Variants in CHGA observed in about 807,000 individuals in gnomAD.
The protein encoded by CHGA is chromogranin A, also known as chromogranin-A.
Under a neutral mutation model 54.4 loss-of-function variants are expected in CHGA, and 41 were observed. The observed-to-expected ratio is 0.75, with a 90% CI of 0.59 to 0.98. CHGA has a LOEUF of 0.98. Ranked by LOEUF, CHGA falls within the 50% of genes least tolerant of loss-of-function variation. CHGA has a pLI of 0.00. For synonymous variants in CHGA, 249 were observed against 232.8 expected (o/e 1.07, Z -0.63); for missense variants, 576 against 582.3 (o/e 0.99, Z 0.11).
At position 92,923,210 on chromosome 14, in the gene CHGA, A is replaced by T; in HGVS notation, c.-150A>T. The T allele has an allele frequency of 1.7e-6, 1 of 596,018 alleles. No homozygotes were observed. The highest frequency in any genetic ancestry group is 2.4e-6 in the Non-Finnish European group (1 of 418,544). 36.9% of individuals were successfully genotyped at this position (596,018 alleles called of 1,614,324 possible). ...TGCAGGGGAGCTTGCGGGAGGATCG[A>T]CCGACAGACGGACGCACGCCGAGGC... On this transcript the variant is annotated 5_prime_UTR_variant, in exon 1 of 8. Transcript: ENST00000216492.
Position 92,932,705 on chromosome 14 carries a change from G to A in CHGA, c.1144G>A (p.Gly382Ser), listed in dbSNP as rs9658667. Reference sequence around the variant, plus strand: ...GCTCTCCTTCCGGGCCCGGGCCTACGGCTTCAGGGGCCCTGGGCCGCAGCT... The same window carrying A: ...GCTCTCCTTCCGGGCCCGGGCCTACAGCTTCAGGGGCCCTGGGCCGCAGCT... ...MKLSFRARAY[G>S]FRGPGPQLRR... The change falls in exon 7 of 8, where the codon GGC (glycine) becomes AGC (serine). Residue 382 changes from glycine (G) to serine (S), a missense_variant. Physicochemically the swap from Gly to Ser is moderately conservative, Grantham distance 56. Transcript: ENST00000216492. This position sits in a 1 kb window ranked among gnomAD's most constrained non-coding sequence, Gnocchi z 5.3. 53,686 of 1,611,068 alleles carry A rather than the reference G, an allele frequency of 0.033. 1,096 individuals are homozygous for A. Among genetic ancestry groups the A allele is most frequent in the East Asian group, 0.061 (2,740 of 44,836 alleles).
rs186857827 is a variant in CHGA at position 92,923,515 on chromosome 14, G to A, written c.46+110G>A. The A allele has an allele frequency of 2.3e-4, 238 of 1,045,278 alleles. 1 individual carries two copies. In the African/African-American group the frequency reaches 2.6e-3, roughly 11 times the overall value. The allele number at this position is 1,045,278 out of a possible 1,614,324, so 64.8% of individuals were successfully genotyped here. ...CCCCTCCACACTTCCCTTCGGGCGC[G>A]GCGAGTTTTCAGCACCGCGGACAGC... On this transcript the variant is annotated intron_variant, in intron 1 of 7. Transcript: ENST00000216492.
chr14:92,924,145 C>G, intron 1 of CHGA, 54 bp from the exon 2 acceptor site: 1 of 1,592,010 alleles, frequency 6.3e-7, no homozygotes, highest in Non-Finnish European at 8.6e-7. Context: ...TCAGAAAGGA[C>G]TGGCCTCCAC....
At position 92,923,276 on chromosome 14, in the gene CHGA, C is replaced by T; in HGVS notation, c.-84C>T. On this transcript the variant is annotated 5_prime_UTR_variant, in exon 1 of 8. Transcript: ENST00000216492. ...CCGCGCCGGTGCCACCGCAGCCCGACCCCGGCCGCCAGTCCAGCCGCCCCT... is the reference window on the plus strand; with the variant it reads ...CCGCGCCGGTGCCACCGCAGCCCGATCCCGGCCGCCAGTCCAGCCGCCCCT... 1 of 1,208,734 alleles carries T rather than the reference C, an allele frequency of 8.3e-7. No homozygotes were observed. The highest frequency in any genetic ancestry group is 1.0e-6 in the Non-Finnish European group (1 of 966,536). The allele number at this position is 1,208,734 out of a possible 1,614,324, so 74.9% of individuals were successfully genotyped here.
intron 1 of CHGA, among the ~76,000 whole-genome samples, chr14:92,923,757 CT>C (rs1886834173): frequency 6.6e-6 from 1 of 152,314 alleles, no homozygotes; most frequent in Admixed American, 6.5e-5. Flanking sequence ...CCCTCCACCC[CT>C]CTTCCCCTTT....
At chr14:92,925,731 G>T (rs1385260271) in intron 2 of CHGA, among the ~76,000 whole-genome samples, 1 of 152,178 alleles carries the variant, frequency 6.6e-6, no homozygotes, top group Non-Finnish European at 1.5e-5. Flanking sequence ...CTCCATGCTT[G>T]AAAGAGTGTT....
Position 92,931,640 on chromosome 14 carries a change from G to T in CHGA, c.746G>T (p.Gly249Val). 2 of 1,610,812 alleles carry T rather than the reference G, an allele frequency of 1.2e-6. No individual in the cohort carries two copies. The highest frequency in any genetic ancestry group is 1.3e-5 in the African/African-American group (1 of 74,988). Residue 249 changes from glycine to valine, a missense_variant, in exon 6 of 8, where the codon GGC becomes GTC. Transcript: ENST00000216492. ...GAGGAGGCTGTCCCCGAGGAAGAAG[G>T]CCCCACTGTAGTGCTGAACCCCCAC... ...AGEEAVPEEE[G>V]PTVVLNPHPS...
chr14:92,935,157 T>G lies in CHGA; in HGVS notation c.*273T>G. ...CAGGCAGCTTTCTAGAAGTTTCCCT[T>G]CCTCCATCCTATCCACTGGGCACAA... is the stretch of plus-strand genomic sequence containing the variant. On this transcript the variant is annotated 3_prime_UTR_variant, in exon 8 of 8. Transcript: ENST00000216492. 2.2e-6 allele frequency: 1 copy of G among 459,352 alleles called. No individual in the cohort carries two copies. The highest frequency in any genetic ancestry group is 3.9e-5 in the South Asian group (1 of 25,636). 28.5% of individuals were successfully genotyped at this position (459,352 alleles called of 1,614,324 possible).
chr14:92,924,352 A>G, intron 2 of CHGA, 107 bp downstream of exon 2: 1 of 1,095,344 alleles, frequency 9.1e-7, no homozygotes, highest in Non-Finnish European at 1.3e-6. Context: ...AAGAGCCAGC[A>G]CTGCGGCTGC....
chr14:92,925,300 C>T (rs1213410082), intron 2 of CHGA, among the ~76,000 whole-genome samples: 1 of 152,172 alleles, frequency 6.6e-6, no homozygotes, highest in Non-Finnish European at 1.5e-5. Flanking sequence ...CTACCCAATT[C>T]CTGCCTCCCA....
intron 1 of CHGA, among the ~76,000 whole-genome samples, chr14:92,923,858 C>G (rs1442363323): frequency 6.6e-6 from 1 of 152,202 alleles, no homozygotes; most frequent in Non-Finnish European, 1.5e-5. Context: ...CCCCCGCCCC[C>G]CCCACCTCTG....
intron 6 of CHGA, among the ~76,000 whole-genome samples, 178 bp downstream of exon 6, chr14:92,931,880 A>C (rs540496350): frequency 6.7e-6 from 1 of 150,044 alleles, no homozygotes; most frequent in Admixed American, 6.6e-5. Context: ...CCAAGGTCAC[A>C]CAGCTAATTT....
At chr14:92,922,752 G>A (rs1886807499), upstream of CHGA, among the ~76,000 whole-genome samples, 1 of 152,196 alleles carries the variant, frequency 6.6e-6, no homozygotes, top group African/African-American at 2.4e-5. Context: ...TCCAGCCTGT[G>A]AGACCGGGGG....
intron 2 of CHGA, 62 bp from the exon 3 acceptor site, chr14:92,926,543 C>T (rs866834090): frequency 7.3e-7 from 1 of 1,365,136 alleles, no homozygotes; most frequent in Middle Eastern, 1.8e-4. Context: ...CACCCTAGAG[C>T]CTCCAGGGAC....
Position 92,934,849 on chromosome 14 carries a change from G to C in CHGA, c.1339G>C (p.Val447Leu), listed in dbSNP as rs1017760007. 3.8e-6 allele frequency: 6 copies of C among 1,584,530 alleles called. No individual in the cohort carries two copies. The African/African-American group carries it at 6.7e-5, about 18-fold the overall frequency. Reference sequence around the variant, plus strand: ...GGCCATTGAAGCAGAGCTGGAGAAAGTGGCCCACCAGCTGCAGGCACTACG... The same window carrying C: ...GGCCATTGAAGCAGAGCTGGAGAAACTGGCCCACCAGCTGCAGGCACTACG... The part of the protein sequence containing the change: ...LSAIEAELEK[V>L]AHQLQALRRG The change falls in exon 8 of 8, where the codon GTG (valine) becomes CTG (leucine). Residue 447 changes from valine (V) to leucine (L), a missense_variant. Transcript: ENST00000216492.
At chr14:92,927,444 T>C in intron 3 of CHGA, 106 bp from the exon 4 acceptor site, 1 of 892,516 alleles carries the variant, frequency 1.1e-6, no homozygotes, top group Non-Finnish European at 1.8e-6. Context: ...CACCCTGGTT[T>C]TGAGTTTCCA....
chr14:92,923,227 C>A lies in CHGA; in HGVS notation c.-133C>A. The A allele has an allele frequency of 1.3e-6, 1 of 741,906 alleles. No individual in the cohort carries two copies. The highest frequency in any genetic ancestry group is 1.8e-6 in the Non-Finnish European group (1 of 549,382). The allele number at this position is 741,906 out of a possible 1,614,324, so 46.0% of individuals were successfully genotyped here. ...GAGGATCGACCGACAGACGGACGCACGCCGAGGCACTGCGCCCCCAGCCCC... is the reference window on the plus strand; with the variant it reads ...GAGGATCGACCGACAGACGGACGCAAGCCGAGGCACTGCGCCCCCAGCCCC... On this transcript the variant is annotated 5_prime_UTR_variant, in exon 1 of 8. Transcript: ENST00000216492.
rs1887042437 is a variant in CHGA, at chr14:92,932,927, C to T, written c.1290+76C>T. 2.1e-6 allele frequency: 3 copies of T among 1,443,064 alleles called. No individual in the cohort carries two copies. Among genetic ancestry groups the T allele is most frequent in the African/African-American group, 2.9e-5 (2 of 69,540 alleles). The allele number at this position is 1,443,064 out of a possible 1,614,324, so 89.4% of individuals were successfully genotyped here. On this transcript the variant is annotated intron_variant, in intron 7 of 7. Transcript: ENST00000216492. The surrounding 1 kb of genome is among the most constrained non-coding windows in gnomAD (Gnocchi z 5.3). ...GGCAGCCGCACCCAGACACACTGCCCCTGCCCCACTGAGGGGACAGGGCCC... is the reference window on the plus strand; with the variant it reads ...GGCAGCCGCACCCAGACACACTGCCTCTGCCCCACTGAGGGGACAGGGCCC...
intron 2 of CHGA, among the ~76,000 whole-genome samples, chr14:92,925,279 C>G (rs2139667462): frequency 6.6e-6 from 1 of 152,314 alleles, no homozygotes; most frequent in Admixed American, 6.5e-5. Context: ...CCCCATCCCT[C>G]TCCAGACCCT....
Sources: allele counts gnomAD v4.1 joint callset (sites outside exome capture counted in the v4.1 genomes callset), GRCh38; gene constraint gnomAD v4.1.1; non-coding constraint Gnocchi (gnomAD v3.1); transcripts MANE v1.5; gene names NCBI Gene and HGNC (gene_info 2026-07-23, HGNC 2026-07-21).